The following DOP1A variants were observed in gnomAD, a reference collection of about 807,000 sequenced individuals.
DOP1A encodes the protein DOP1 leucine zipper like protein A, also known as protein DOP1A.
DOP1A carries 90 observed loss-of-function variants against 267.6 expected under a neutral mutation model. The ratio of observed to expected loss-of-function variants is 0.34; its 90% CI spans 0.28 to 0.40. The LOEUF (loss-of-function observed/expected upper bound fraction) is 0.40. DOP1A is among the 10% of genes least tolerant of loss of function. The probability of loss-of-function intolerance (pLI) is 1.00; values close to 1 mark genes in which losing one functional copy is unlikely to be tolerated. For synonymous variants in DOP1A, 932 were observed against 999.1 expected, an observed-to-expected ratio of 0.93 and a Z score of 1.27; for missense variants, 2,437 against 2,900.4, an observed-to-expected ratio of 0.84 and a Z score of 3.67.
Position 83,130,135 on chromosome 6 carries a change from T to C in DOP1A, c.2354T>C (p.Val785Ala). 1.2e-6 allele frequency: 2 copies of C among 1,613,848 alleles called. No individual in the cohort carries two copies. The highest frequency in any genetic ancestry group is 1.7e-6 in the Non-Finnish European group (2 of 1,179,828). The change falls in exon 17 of 39, where the codon GTG becomes GCG. Residue 785 changes from valine to alanine, a missense_variant. Val to Ala is a moderately conservative substitution (Grantham distance 64, BLOSUM62 0). Around this residue, in one of 9 missense-constraint regions of DOP1A, gnomAD observed 878 missense variants for 992.9 expected, o/e 0.88. Transcript: ENST00000349129. Reference sequence around the variant, plus strand: ...TCTTTTGTTTCAGACTGTGAGCATGTGCAGCCTCCACAGTGGCTCCAGACT... The same window carrying C: ...TCTTTTGTTTCAGACTGTGAGCATGCGCAGCCTCCACAGTGGCTCCAGACT... Reference protein sequence around the residue: ...SEKLETDCEHVQPPQWLQTLM... With the variant: ...SEKLETDCEHAQPPQWLQTLM...
In DOP1A at chr6:83,129,334, A is replaced by G. The variant is rs1777669704; in HGVS notation, c.2167A>G (p.Arg723Gly). ...REQGETSKWDRNSQGDVKEKN... is the reference protein window; with the variant it reads ...REQGETSKWDGNSQGDVKEKN... Reference sequence around the variant, plus strand: ...ACAAGGAGAGACTTCAAAATGGGACAGAAATTCACAAGGAGATGTAAAAGA... The same window carrying G: ...ACAAGGAGAGACTTCAAAATGGGACGGAAATTCACAAGGAGATGTAAAAGA... The change falls in exon 16 of 39, where the codon AGA becomes GGA. Residue 723 changes from arginine (R) to glycine (G), a missense_variant. Transcript: ENST00000349129. The G allele has an allele frequency of 1.9e-6, 3 of 1,606,150 alleles. No individual in the cohort carries two copies. The highest frequency in any genetic ancestry group is 2.5e-6 in the Non-Finnish European group (3 of 1,177,582).
In DOP1A at chr6:83,159,876, G is replaced by A. The variant is rs746417571; in HGVS notation, c.6878G>A (p.Arg2293Gln). The A allele has an allele frequency of 3.1e-6, 5 of 1,613,902 alleles. No individual in the cohort carries two copies. The highest frequency in any genetic ancestry group is 2.7e-5 in the African/African-American group (2 of 74,858). The change falls in exon 37 of 39, where the codon CGG (arginine) becomes CAG (glutamine). Residue 2293 changes from arginine (R) to glutamine (Q), a missense_variant. Arg to Gln is a conservative substitution (Grantham distance 43). This residue lies in a region of DOP1A where 197 missense variants were observed against 246.5 expected (regional missense o/e 0.80). Transcript: ENST00000349129. ...TTCTCTACTTCATATAACAGCCAGC[G>A]GTGGTTAAACCTCTATCTCTCTGCT... ...NGFSTSYNSQ[R>Q]WLNLYLSACK...
chr6:83,078,286 T>C (rs747060709), intron 1 of DOP1A, among the ~76,000 whole-genome samples: 4 of 152,186 alleles, frequency 2.6e-5, no homozygotes, highest in African/African-American at 9.6e-5. Context: ...ATTATAGCAG[T>C]AATAAGAGCA....
intron 4 of DOP1A, among the ~76,000 whole-genome samples, chr6:83,106,819 G>A (rs1287322868): frequency 9.1e-6 from 1 of 109,630 alleles, no homozygotes; most frequent in African/African-American, 3.0e-5. Flanking sequence ...AAAAAAAAAA[G>A]AGAGAGAGAA....
downstream of DOP1A, chr6:83,169,107 CTA>C (rs1786508635): frequency 6.8e-7 from 1 of 1,480,206 alleles, no homozygotes; most frequent in African/African-American, 1.4e-5. Flanking sequence ...AAAAACAGAT[CTA>C]GAGACAATCC....
Position 83,151,984 on chromosome 6 carries a change from CA to C in DOP1A, c.6010del (p.Ile2004Ter). 1 of 1,613,896 alleles carries C rather than the reference CA, an allele frequency of 6.2e-7. No individual in the cohort carries two copies. The highest frequency in any genetic ancestry group is 8.5e-7 in the Non-Finnish European group (1 of 1,179,908). On this transcript the variant is annotated frameshift_variant, in exon 29 of 39. Transcript: ENST00000349129. LOFTEE classifies it high-confidence loss of function. ...GAAATCTTGAAGTTAAGCCTTCTCC[CA>C]AAATAATGGTAGATGGAACCAATTT... ...RRNLEVKPSPKIMVDGTNLES... is the reference protein window; with the variant it reads ...RRNLEVKPSPXIMVDGTNLES...
chr6:83,131,076 A>G (rs773349812), intron 17 of DOP1A, among the ~76,000 whole-genome samples: 1 of 152,122 alleles, frequency 6.6e-6, no homozygotes, highest in Non-Finnish European at 1.5e-5. Context: ...ACTCTCATGA[A>G]AACTTTTTCT....
intron 37 of DOP1A, 130 bp from the exon 38 acceptor site, chr6:83,162,660 C>T (rs956378742): frequency 3.6e-5 from 36 of 1,002,074 alleles, no homozygotes; most frequent in Non-Finnish European, 5.1e-5. Context: ...GACAAGGCTA[C>T]GAGTGGCACA....
At chr6:83,141,885 A>T (rs977472934) in intron 23 of DOP1A, 36 bp from the exon 24 acceptor site, 4 of 1,570,196 alleles carry the variant, frequency 2.5e-6, no homozygotes, top group Admixed American at 2.1e-5. Context: ...TTCATTTTTT[A>T]AAAGTTTCAC....
At chr6:83,104,246 C>A (rs527797238) in intron 4 of DOP1A, among the ~76,000 whole-genome samples, 2 of 152,068 alleles carry the variant, frequency 1.3e-5, no homozygotes, top group Non-Finnish European at 1.5e-5. Context: ...GGTGAGTTTT[C>A]TTTTCCGATT....
chr6:83,080,210 A>G (rs1009447750), intron 1 of DOP1A, among the ~76,000 whole-genome samples: 1 of 152,206 alleles, frequency 6.6e-6, no homozygotes, highest in Non-Finnish European at 1.5e-5. Context: ...AAAACAAAAC[A>G]TTAGAAAGAT....
At chr6:83,113,466 CTGTAGATTGATAA>C in intron 7 of DOP1A, 45 bp downstream of exon 7, 5 of 1,473,940 alleles carry the variant, frequency 3.4e-6, no homozygotes, top group Non-Finnish European at 9.5e-7. Context: ...TCTTGGAAAA[CTGTAGATTGATAA>C]TGTGTAGTTA....
intron 1 of DOP1A, among the ~76,000 whole-genome samples, chr6:83,082,028 A>T (rs1768170513): frequency 6.6e-6 from 1 of 152,220 alleles, no homozygotes; most frequent in African/African-American, 2.4e-5. Context: ...ACAAAAGGTA[A>T]GTGTTAGAGA....
intron 34 of DOP1A, among the ~76,000 whole-genome samples, chr6:83,156,683 T>G (rs1415535232): frequency 2.6e-5 from 4 of 152,186 alleles, no homozygotes; most frequent in Non-Finnish European, 4.4e-5. Context: ...CTCTAAAGCC[T>G]CCAGCCTCAG....
Position 83,135,709 on chromosome 6 carries a change from A to G in DOP1A, c.2961A>G (p.Arg987=). Residue 987 remains arginine (R), a synonymous_variant, in exon 20 of 39, where the codon AGA becomes AGG. Coordinates refer to ENST00000349129, the MANE Select transcript of DOP1A (RefSeq NM_015018.4). The stretch of plus-strand genomic sequence containing the variant: ...CCTGGCTGAACCAAGTCCTACAAAG[A>G]CATGATATTGCACGAGTTTTGGAAC... ...GQAWLNQVLQ[R]HDIARVLEPL... 1 of 1,613,732 alleles carries G rather than the reference A, an allele frequency of 6.2e-7. No homozygotes were observed. The highest frequency in any genetic ancestry group is 8.5e-7 in the Non-Finnish European group (1 of 1,179,734).
downstream of DOP1A, chr6:83,171,323 T>C (rs568941889): frequency 2.6e-5 from 4 of 152,310 alleles, no homozygotes; most frequent in Admixed American, 2.6e-4. Flanking sequence ...CTATTTTTAA[T>C]TTTCCATAAT....
chr6:83,145,767 A>T, intron 25 of DOP1A, 109 bp downstream of exon 25: 2 of 1,015,786 alleles, frequency 2.0e-6, no homozygotes, highest in Non-Finnish European at 2.8e-6. Context: ...CAGATTGCAG[A>T]GATGACTGCA....
At chr6:83,093,107 G>GA (rs1292960961) in intron 1 of DOP1A, among the ~76,000 whole-genome samples, 1 of 152,092 alleles carries the variant, frequency 6.6e-6, no homozygotes, top group Non-Finnish European at 1.5e-5. Flanking sequence ...GTTTTAAAGA[G>GA]AAAAATAAAC....
At chr6:83,152,388 C>T in intron 30 of DOP1A, 21 bp downstream of exon 30, 3 of 1,184,544 alleles carry the variant, frequency 2.5e-6, no homozygotes, top group Non-Finnish European at 2.3e-6. Flanking sequence ...AGCTTTTTCA[C>T]ATGAACTCTC....
Sources: allele counts gnomAD v4.1 joint callset (sites outside exome capture counted in the v4.1 genomes callset), GRCh38; gene constraint gnomAD v4.1.1; regional missense constraint gnomAD v4.1.1; transcripts MANE v1.5; gene names NCBI Gene and HGNC (gene_info 2026-07-23, HGNC 2026-07-21).